Variants in MYO5B observed in about 807,000 individuals in gnomAD.
MYO5B encodes the protein unconventional myosin-Vb.
A neutral mutation model predicts 229.3 loss-of-function variants in MYO5B; 143 were observed. The ratio of observed to expected loss-of-function variants is 0.62; its 90% CI spans 0.54 to 0.72. The LOEUF (loss-of-function observed/expected upper bound fraction) is 0.72, where lower values mean the gene tolerates loss of function less well. MYO5B is among the 30% of genes least tolerant of loss of function. The pLI is 0.00. For missense variants in MYO5B, 2,321 were observed against 2,331.0 expected (o/e 1.00, Z 0.09); for synonymous variants, 918 against 885.2 (o/e 1.04, Z -0.66).
intron 22 of MYO5B, among the ~76,000 whole-genome samples, chr18:49,885,179 C>T (rs997879462): frequency 1.3e-5 from 2 of 152,208 alleles, no homozygotes; most frequent in African/African-American, 4.8e-5. Context: ...AACTTGTACG[C>T]TGACTGACAC....
At position 50,105,413 on chromosome 18, in the gene MYO5B, T is replaced by A. The variant is rs1178960185; in HGVS notation, c.28-50035A>T. 3.3e-5 allele frequency among the ~76,000 whole-genome samples: 5 copies of A among 151,970 alleles called. No individual in the cohort carries two copies. In the East Asian group the frequency reaches 9.7e-4, roughly 29 times the overall value. On this transcript the variant is annotated intron_variant, in intron 1 of 39. Transcript: ENST00000285039. ...AATTACTTTCTACCAAACAAAACAG[T>A]GTAGCTATGAAGCAATGCTTCTTCC...
Position 49,906,441 on chromosome 18 carries a change from A to G in MYO5B, c.2392T>C (p.Cys798Arg), listed in dbSNP as rs2024900409. The change falls in exon 19 of 40, where the codon TGC becomes CGC. Residue 798 changes from cysteine (C) to arginine (R), a missense_variant. Physicochemically the swap from Cys to Arg is radical, Grantham distance 180 (BLOSUM62 -3). Transcript: ENST00000285039. ...KGATLTLQRY[C>R]RGHLARRLAE... ...CACCTGCGGGCCAGGTGTCCCCGGC[A>G]GTACCTCTGCAGGGTTAAGGTAGCC... is the stretch of plus-strand genomic sequence containing the variant. The G allele has an allele frequency of 6.2e-7, 1 of 1,614,028 alleles. No homozygotes were observed. Among genetic ancestry groups the G allele is most frequent in the African/African-American group, 1.3e-5 (1 of 74,930 alleles).
chr18:50,154,545 G>A (rs1390021774), intron 1 of MYO5B, among the ~76,000 whole-genome samples: 2 of 152,208 alleles, frequency 1.3e-5, no homozygotes, highest in Admixed American at 1.3e-4. Context: ...CCTCAATTGT[G>A]TAATATCCTG....
At chr18:49,948,064 T>TAATAA (rs72133743) in intron 14 of MYO5B, among the ~76,000 whole-genome samples, 88,795 of 151,418 alleles carry the variant, frequency 0.59, 26,494 homozygotes, top group Middle Eastern at 0.73. Flanking sequence ...AGTATAATAA[T>TAATAA]AATAAAATAA....
chr18:50,098,554 T>C (rs1292182171), intron 1 of MYO5B, among the ~76,000 whole-genome samples: 1 of 152,216 alleles, frequency 6.6e-6, no homozygotes, highest in East Asian at 1.9e-4. Flanking sequence ...AAAAGGTAAA[T>C]GTCCAACTGT....
At chr18:49,856,467 G>A (rs1008010974) in intron 30 of MYO5B, among the ~76,000 whole-genome samples, 18 of 152,192 alleles carry the variant, frequency 1.2e-4, no homozygotes, top group South Asian at 4.1e-4. Flanking sequence ...ACAGGCCCAG[G>A]ATTCCCCAGA....
chr18:50,072,706 C>A (rs931538502), intron 1 of MYO5B, among the ~76,000 whole-genome samples: 1 of 152,082 alleles, frequency 6.6e-6, no homozygotes, highest in African/African-American at 2.4e-5. Context: ...AAACAGAAAA[C>A]ATTAATCATC....
At chr18:49,859,408 C>T (rs2024302010) in intron 29 of MYO5B, among the ~76,000 whole-genome samples, 1 of 152,196 alleles carries the variant, frequency 6.6e-6, no homozygotes, top group South Asian at 2.1e-4. Context: ...AAGAACCTGC[C>T]TTCCTGGGGA....
At chr18:50,063,430 G>A (rs1335303905) in intron 1 of MYO5B, among the ~76,000 whole-genome samples, 1 of 152,134 alleles carries the variant, frequency 6.6e-6, no homozygotes, top group Non-Finnish European at 1.5e-5. Flanking sequence ...AGACTCCCAA[G>A]TCCCACCCAG....
Position 49,887,348 on chromosome 18 carries a change from A to G in MYO5B, c.3046-6893T>C, listed in dbSNP as rs532992275. On this transcript the variant is annotated intron_variant, in intron 22 of 39. Transcript: ENST00000285039. ...GCTCAAAGGATGGCAAGGGGTCTTGATCTTCTCAGGTGACCTACTGCTCTG... is the reference window on the plus strand; with the variant it reads ...GCTCAAAGGATGGCAAGGGGTCTTGGTCTTCTCAGGTGACCTACTGCTCTG... Among the ~76,000 whole-genome samples the G allele has an allele frequency of 8.4e-3, 1,270 of 151,936 alleles. 12 individuals are homozygous for G. The highest frequency in any genetic ancestry group is 0.012 in the Non-Finnish European group (843 of 67,936).
chr18:50,100,410 C>A (rs2031633018), intron 1 of MYO5B, among the ~76,000 whole-genome samples: 1 of 152,162 alleles, frequency 6.6e-6, no homozygotes, highest in South Asian at 2.1e-4. Flanking sequence ...TGTGAAGCAT[C>A]TATTACTGCA....
chr18:50,192,201 T>G (rs1159698046), intron 1 of MYO5B, among the ~76,000 whole-genome samples: 2 of 152,210 alleles, frequency 1.3e-5, no homozygotes, highest in African/African-American at 4.8e-5. Context: ...AAAACAAAGT[T>G]GAGCAAAGTT....
intron 1 of MYO5B, among the ~76,000 whole-genome samples, chr18:50,102,427 C>G (rs891125743): frequency 6.6e-6 from 1 of 152,066 alleles, no homozygotes; most frequent in Non-Finnish European, 1.5e-5. Context: ...GAACTCACAG[C>G]AGGAATACGA....
chr18:50,146,912 C>T (rs888906246), intron 1 of MYO5B, among the ~76,000 whole-genome samples: 3 of 152,152 alleles, frequency 2.0e-5, no homozygotes, highest in Non-Finnish European at 4.4e-5. Flanking sequence ...GCAGGCTTTT[C>T]GTATAATTCT....
At chr18:50,083,695 T>C (rs2031269012) in intron 1 of MYO5B, among the ~76,000 whole-genome samples, 1 of 152,214 alleles carries the variant, frequency 6.6e-6, no homozygotes, top group African/African-American at 2.4e-5. Flanking sequence ...TTTCCCCTCA[T>C]CTGTTCAACC....
intron 1 of MYO5B, among the ~76,000 whole-genome samples, chr18:50,151,919 C>G (rs1387064162): frequency 6.6e-6 from 1 of 152,152 alleles, no homozygotes; most frequent in Non-Finnish European, 1.5e-5. Context: ...CCTTCCCGCT[C>G]CAGGGATGCA....
intron 19 of MYO5B, 135 bp from the exon 20 acceptor site, chr18:49,904,963 C>G (rs1372818250): frequency 5.0e-6 from 5 of 1,000,638 alleles, no homozygotes; most frequent in Non-Finnish European, 7.6e-6. Context: ...GAAACCAACT[C>G]TCTTCACCCC....
At chr18:49,953,439 G>A (rs1206037165) in intron 13 of MYO5B, 96 bp from the exon 14 acceptor site, 65 of 1,063,066 alleles carry the variant, frequency 6.1e-5, no homozygotes, top group Non-Finnish European at 9.2e-5. Context: ...TCTGAAAAGA[G>A]CTGTGAGTAG....
chr18:50,005,244 C>A (rs939181784), intron 4 of MYO5B, among the ~76,000 whole-genome samples: 1 of 152,116 alleles, frequency 6.6e-6, no homozygotes, highest in African/African-American at 2.4e-5. Flanking sequence ...ATGCTAAAAC[C>A]CTTGATAAGT....
Sources: gnomAD v4.1 joint callset for allele counts (sites outside exome capture counted in the v4.1 genomes callset) on GRCh38, gnomAD v4.1.1 for gene constraint, MANE v1.5 for transcripts, NCBI Gene and HGNC (gene_info 2026-07-23, HGNC 2026-07-21) for gene names.